PSMB7: variants seen among roughly 807,000 people sequenced by gnomAD.
PSMB7 encodes the protein proteasome subunit beta type-7.
Under a neutral mutation model 28.1 loss-of-function variants are expected in PSMB7, and 5 were observed. The observed-to-expected ratio is 0.18, with a 90% CI of 0.09 to 0.37. PSMB7 has a LOEUF of 0.37. Ranked by LOEUF, PSMB7 falls within the 10% of genes least tolerant of loss-of-function variation. The probability of loss-of-function intolerance (pLI) is 1.00; values close to 1 mark genes in which losing one functional copy is unlikely to be tolerated. For missense variants in PSMB7, 275 were observed against 346.2 expected (o/e 0.79, Z 1.63); for synonymous variants, 122 against 123.7 (o/e 0.99, Z 0.09).
chr9:124,367,028 T>C (rs1451488278), intron 6 of PSMB7, among the ~76,000 whole-genome samples: 2 of 152,242 alleles, frequency 1.3e-5, no homozygotes, highest in African/African-American at 2.4e-5. Context: ...GTTCGACTTG[T>C]GCTTTTTGAA....
intron 5 of PSMB7, among the ~76,000 whole-genome samples, chr9:124,402,581 ATG>A (rs35981642): frequency 0.41 from 61,770 of 151,880 alleles, 12,810 homozygotes; most frequent in African/African-American, 0.45. Flanking sequence ...AGGAATAACA[ATG>A]TGTGTGTGAG....
chr9:124,384,864 T>TC (rs1167051593), intron 5 of PSMB7, among the ~76,000 whole-genome samples: 2 of 152,220 alleles, frequency 1.3e-5, no homozygotes, highest in East Asian at 3.8e-4. Flanking sequence ...CTAAGGTAAA[T>TC]CTGCAACTGG....
intron 6 of PSMB7, among the ~76,000 whole-genome samples, chr9:124,368,386 T>C (rs1830528970): frequency 6.6e-6 from 1 of 152,264 alleles, no homozygotes; most frequent in Admixed American, 6.5e-5. Context: ...GCTTAAATTA[T>C]GCTACCCTAA....
chr9:124,375,404 T>A (rs1377993743), intron 6 of PSMB7, among the ~76,000 whole-genome samples: 1 of 152,102 alleles, frequency 6.6e-6, no homozygotes, highest in Non-Finnish European at 1.5e-5. Context: ...ACTCAACCGA[T>A]CCGCCCGTCT....
At position 124,413,921 on chromosome 9, in the gene PSMB7, A is replaced by T; in HGVS notation, c.241T>A (p.Ser81Thr). 2 of 1,604,232 alleles carry T rather than the reference A, an allele frequency of 1.2e-6. No homozygotes were observed. Among genetic ancestry groups the T allele is most frequent in the Non-Finnish European group, 1.7e-6 (2 of 1,171,724 alleles). The stretch of plus-strand genomic sequence containing the variant: ...ATCAATACTTACTAAATATTAGGAG[A>T]TATGAAGTGTATTTTTGAACAGTTC... ...DKNCSKIHFI[S>T]PNIYCCGAGT... The change falls in exon 3 of 8, where the codon TCT (serine) becomes ACT (threonine). Residue 81 changes from serine to threonine, a missense_variant. By Grantham distance (58) the Ser-to-Thr change is moderately conservative. Transcript: ENST00000259457.
At chr9:124,397,151 A>T (rs1031155527) in intron 5 of PSMB7, among the ~76,000 whole-genome samples, 1 of 152,186 alleles carries the variant, frequency 6.6e-6, no homozygotes, top group African/African-American at 2.4e-5. Flanking sequence ...CTTGTGGTTC[A>T]AGTAACCTCT....
At chr9:124,357,049 T>A in intron 6 of PSMB7, 134 bp from the exon 7 acceptor site, 11 of 1,026,074 alleles carry the variant, frequency 1.1e-5, no homozygotes, top group Middle Eastern at 3.0e-4. Flanking sequence ...ATCTCACAGA[T>A]GAGGAAAAGA....
intron 5 of PSMB7, among the ~76,000 whole-genome samples, chr9:124,398,947 ACT>A (rs1446974106): frequency 6.6e-6 from 1 of 151,576 alleles, no homozygotes; most frequent in African/African-American, 2.4e-5. Context: ...CACCCAGCAG[ACT>A]CTGGCACAGA....
intron 6 of PSMB7, among the ~76,000 whole-genome samples, chr9:124,381,096 C>T (rs1830660230): frequency 6.6e-6 from 1 of 152,192 alleles, no homozygotes; most frequent in Admixed American, 6.5e-5. Flanking sequence ...TTTCCACTTA[C>T]AGACCCTCTC....
intron 5 of PSMB7, among the ~76,000 whole-genome samples, chr9:124,389,826 C>T (rs1830766059): frequency 6.6e-6 from 1 of 152,152 alleles, no homozygotes; most frequent in African/African-American, 2.4e-5. Context: ...TCTGCTGCGC[C>T]CCAGGAGAAG....
intron 6 of PSMB7, among the ~76,000 whole-genome samples, chr9:124,374,558 C>A (rs1329031781): frequency 6.6e-6 from 1 of 152,204 alleles, no homozygotes; most frequent in African/African-American, 2.4e-5. Flanking sequence ...AGTACCATGG[C>A]TTGTGCCTGT....
chr9:124,376,486 C>T (rs1381043238), intron 6 of PSMB7, among the ~76,000 whole-genome samples: 4 of 152,176 alleles, frequency 2.6e-5, no homozygotes, highest in African/African-American at 7.2e-5. Flanking sequence ...CTTCCTTAAA[C>T]TTTTCTGTTC....
At chr9:124,389,143 A>G (rs1008674456) in intron 5 of PSMB7, among the ~76,000 whole-genome samples, 1 of 152,236 alleles carries the variant, frequency 6.6e-6, no homozygotes, top group Non-Finnish European at 1.5e-5. Flanking sequence ...AATATAAGAC[A>G]AACTCAAGTG....
intron 5 of PSMB7, among the ~76,000 whole-genome samples, chr9:124,403,309 G>A (rs865944698): frequency 1.2e-4 from 18 of 151,844 alleles, no homozygotes; most frequent in African/African-American, 3.6e-4. Flanking sequence ...CAGATCACCT[G>A]AGCCCAGGAG....
chr9:124,415,213 G>A, intron 1 of PSMB7, 151 bp downstream of exon 1: 2 of 846,736 alleles, frequency 2.4e-6, no homozygotes, highest in African/African-American at 1.7e-5. Flanking sequence ...CCCACGCCCA[G>A]GCCCTGATTC....
At chr9:124,379,772 A>G (rs1223473374) in intron 6 of PSMB7, among the ~76,000 whole-genome samples, 1 of 152,200 alleles carries the variant, frequency 6.6e-6, no homozygotes, top group East Asian at 1.9e-4. Flanking sequence ...CCAATACTGC[A>G]CGCTGTTTGA....
chr9:124,373,479 T>G (rs190011046), intron 6 of PSMB7, among the ~76,000 whole-genome samples: 1 of 152,264 alleles, frequency 6.6e-6, no homozygotes, highest in East Asian at 1.9e-4. Flanking sequence ...CAAAAGCAAA[T>G]GACAGAAATA....
At position 124,415,426 on chromosome 9, in the gene PSMB7, C is replaced by A; in HGVS notation, c.-1G>T. 6.2e-7 allele frequency: 1 copy of A among 1,614,120 alleles called. No homozygotes were observed. The highest frequency in any genetic ancestry group is 8.5e-7 in the Non-Finnish European group (1 of 1,179,982). On this transcript the variant is annotated 5_prime_UTR_variant, in exon 1 of 8. Coordinates refer to ENST00000259457, the MANE Select transcript of PSMB7 (RefSeq NM_002799.4). ...GAGCATACACCGACACAGCCGCCAT[C>A]TTCCCAAGAAAGCAGTTCCGGGTCG...
At chr9:124,397,421 T>C (rs1360236218) in intron 5 of PSMB7, among the ~76,000 whole-genome samples, 1 of 152,220 alleles carries the variant, frequency 6.6e-6, no homozygotes, top group African/African-American at 2.4e-5. Context: ...GTCCTGCTCC[T>C]GGACCCAGCG....
Sources: gnomAD v4.1 joint callset for allele counts (sites outside exome capture counted in the v4.1 genomes callset) on GRCh38, gnomAD v4.1.1 for gene constraint, MANE v1.5 for transcripts, NCBI Gene and HGNC (gene_info 2026-07-23, HGNC 2026-07-21) for gene names.